CEP104: variants seen among roughly 807,000 people sequenced by gnomAD.
CEP104 encodes the protein centrosomal protein of 104 kDa.
CEP104 carries 84 observed loss-of-function variants against 113.3 expected under a neutral mutation model. The observed-to-expected ratio is 0.74, with a 90% CI of 0.62 to 0.89. The LOEUF (loss-of-function observed/expected upper bound fraction) is 0.89. CEP104 is among the 40% of genes least tolerant of loss of function. The pLI, the probability that CEP104 is intolerant of heterozygous loss-of-function variation, is 0.00. For synonymous variants in CEP104, 378 were observed against 421.7 expected, an observed-to-expected ratio of 0.90 and a Z score of 1.27; for missense variants, 1,053 against 1,156.6, an observed-to-expected ratio of 0.91 and a Z score of 1.30.
At chr1:3,826,276 G>A (rs1171630882) in intron 17 of CEP104, 94 bp downstream of exon 17, 6 of 1,055,962 alleles carry the variant, frequency 5.7e-6, no homozygotes, top group Non-Finnish European at 8.8e-6. Flanking sequence ...TGACTACGAA[G>A]GGCCAACTAG....
chr1:3,856,969 CG>C lies in CEP104; in HGVS notation c.-96del. ...GCTGGGTCGGAGCGGTGCCGCGGCCCGGGGAGGCGGCCAGGCGGCGCCTCAG... is the reference window on the plus strand; with the variant it reads ...GCTGGGTCGGAGCGGTGCCGCGGCCCGGGAGGCGGCCAGGCGGCGCCTCAG... On this transcript the variant is annotated 5_prime_UTR_variant, in exon 1 of 22. Coordinates refer to ENST00000378230, the MANE Select transcript of CEP104 (RefSeq NM_014704.4). 6.6e-6 allele frequency: 1 copy of C among 152,034 alleles called. No individual in the cohort carries two copies. Among genetic ancestry groups the C allele is most frequent in the Non-Finnish European group, 1.5e-5 (1 of 67,982 alleles). The allele number at this position is 152,034 out of a possible 1,614,324, so 9.4% of individuals were successfully genotyped here.
chr1:3,828,347 C>T (rs762704485), intron 15 of CEP104, among the ~76,000 whole-genome samples: 1 of 152,218 alleles, frequency 6.6e-6, no homozygotes, highest in Non-Finnish European at 1.5e-5. Context: ...CTCCTCATCC[C>T]AGGGTCTGCC....
At chr1:3,845,163 G>T (rs1644484999) in intron 5 of CEP104, 126 bp downstream of exon 5, 1 of 864,134 alleles carries the variant, frequency 1.2e-6, no homozygotes, top group Non-Finnish European at 1.8e-6. Context: ...AAAATCATCT[G>T]AAAGTTATTC....
chr1:3,836,924 A>G, intron 9 of CEP104: 3 of 533,886 alleles, frequency 5.6e-6, no homozygotes, highest in Non-Finnish European at 9.8e-6. Context: ...CCTAATAAAA[A>G]AAAGCAAGGT....
intron 15 of CEP104, 143 bp from the exon 16 acceptor site, chr1:3,826,887 C>T (rs1328918343): frequency 2.4e-6 from 2 of 848,566 alleles, no homozygotes; most frequent in East Asian, 2.6e-5. Context: ...TGGCTCATGC[C>T]CGTAATCCCA....
intron 9 of CEP104, chr1:3,837,028 C>T (rs1644327720): frequency 1.9e-6 from 1 of 520,962 alleles, no homozygotes; most frequent in Non-Finnish European, 3.4e-6. Flanking sequence ...TTTTTTCTGA[C>T]AAGATCTCTG....
intron 4 of CEP104, among the ~76,000 whole-genome samples, chr1:3,847,257 G>C (rs1248019110): frequency 6.6e-6 from 1 of 150,922 alleles, no homozygotes; most frequent in Admixed American, 6.6e-5. Flanking sequence ...GATGCTGGCA[G>C]CAGCTCTGGG....
At chr1:3,838,943 C>T (rs1036955697) in intron 8 of CEP104, 21 bp downstream of exon 8, 7 of 1,613,046 alleles carry the variant, frequency 4.3e-6, no homozygotes, top group Middle Eastern at 1.6e-4. Context: ...TCCTCCACTC[C>T]GTCTGGGCTC....
chr1:3,855,973 T>C, intron 1 of CEP104: 1 of 984,732 alleles, frequency 1.0e-6, no homozygotes, highest in Non-Finnish European at 1.2e-6. Context: ...TCCATGGCGG[T>C]CTCATCCCTC....
chr1:3,834,181 T>C, intron 11 of CEP104, 146 bp from the exon 12 acceptor site: 1 of 661,504 alleles, frequency 1.5e-6, no homozygotes, highest in Non-Finnish European at 2.6e-6. Context: ...AACTGAAAAC[T>C]GCTTTCTAAA....
At position 3,813,232 on chromosome 1, in the gene CEP104, TAA is replaced by T. The variant is rs1226650130; in HGVS notation, c.*2168_*2169del. The T allele has an allele frequency of 6.7e-6, 1 of 149,846 alleles. No homozygotes were observed. Among genetic ancestry groups the T allele is most frequent in the Non-Finnish European group, 1.5e-5 (1 of 67,822 alleles). 9.3% of individuals were successfully genotyped at this position (149,846 alleles called of 1,614,324 possible). On this transcript the variant is annotated 3_prime_UTR_variant, in exon 22 of 22. Coordinates refer to ENST00000378230, the MANE Select transcript of CEP104 (RefSeq NM_014704.4). ...ATACTCTGTTTTGTCTAATAAACTTTAAAGTTATTTCTCTCCTTATACTTTTT... is the reference window on the plus strand; with the variant it reads ...ATACTCTGTTTTGTCTAATAAACTTTAGTTATTTCTCTCCTTATACTTTTT...
At chr1:3,840,684 G>GT (rs1240843705) in intron 6 of CEP104, among the ~76,000 whole-genome samples, 1 of 152,114 alleles carries the variant, frequency 6.6e-6, no homozygotes, top group Non-Finnish European at 1.5e-5. Context: ...GAGTACAGGC[G>GT]TGAGCCAGCA....
chr1:3,848,690 A>G lies in CEP104; in HGVS notation c.205T>C (p.Ser69Pro). ...CTAATGTAGAACTCAATTTTACTTGAAATCATATACTGGTGAGCAAGTAAC... is the reference window on the plus strand; with the variant it reads ...CTAATGTAGAACTCAATTTTACTTGGAATCATATACTGGTGAGCAAGTAAC... ...LQLLAHQYMI[S>P]SKIEFYISES... Residue 69 changes from serine to proline, a missense_variant, in exon 3 of 22, where the codon TCA becomes CCA. Physicochemically the swap from Ser to Pro is moderately conservative, Grantham distance 74. Transcript: ENST00000378230. 1 of 1,613,814 alleles carries G rather than the reference A, an allele frequency of 6.2e-7. No individual in the cohort carries two copies. Among genetic ancestry groups the G allele is most frequent in the East Asian group, 2.2e-5 (1 of 44,880 alleles).
chr1:3,827,892 C>T (rs1258505078), intron 15 of CEP104, among the ~76,000 whole-genome samples: 1 of 152,246 alleles, frequency 6.6e-6, no homozygotes, highest in African/African-American at 2.4e-5. Context: ...TGCTTTGCTG[C>T]CTGCTGTATT....
intron 4 of CEP104, 50 bp downstream of exon 4, chr1:3,847,425 C>G (rs766079345): frequency 6.7e-7 from 1 of 1,502,198 alleles, no homozygotes. Context: ...CCACATAATC[C>G]CACAAAGAAG....
Position 3,842,772 on chromosome 1 carries a change from T to G in CEP104, c.566+2135A>C, listed in dbSNP as rs187622158. Among the ~76,000 whole-genome samples the G allele has an allele frequency of 6.0e-3, 909 of 152,274 alleles. 9 individuals are homozygous for G. The highest frequency in any genetic ancestry group is 0.02 in the African/African-American group (846 of 41,560). On this transcript the variant is annotated intron_variant, in intron 6 of 21. Transcript: ENST00000378230. ...AGAAGAGCCAAGGATTATTTGGAAT[T>G]CCTCTTTATTTAAAATTTTTTTTGT...
chr1:3,849,377 C>T (rs1199753888), intron 2 of CEP104, among the ~76,000 whole-genome samples: 2 of 151,846 alleles, frequency 1.3e-5, no homozygotes, highest in Admixed American at 1.3e-4. Flanking sequence ...ACCCTCCTAC[C>T]TCAGCCTCCT....
At chr1:3,850,785 C>A (rs574598143) in intron 2 of CEP104, among the ~76,000 whole-genome samples, 1 of 152,344 alleles carries the variant, frequency 6.6e-6, no homozygotes, top group Admixed American at 6.5e-5. Context: ...GGTACATCCT[C>A]TGAAAGCACG....
intron 1 of CEP104, among the ~76,000 whole-genome samples, chr1:3,854,516 T>G (rs766112831): frequency 6.6e-6 from 1 of 152,156 alleles, no homozygotes; most frequent in Non-Finnish European, 1.5e-5. Flanking sequence ...TCACCCAGGC[T>G]GGAGTGCAGT....
Sources: gnomAD v4.1 joint callset for allele counts (sites outside exome capture counted in the v4.1 genomes callset) on GRCh38, gnomAD v4.1.1 for gene constraint, MANE v1.5 for transcripts, NCBI Gene and HGNC (gene_info 2026-07-23, HGNC 2026-07-21) for gene names.